The following CDH10 variants were observed in gnomAD, a reference collection of about 807,000 sequenced individuals.
CDH10 encodes the protein cadherin 10.
CDH10 carries 30 observed loss-of-function variants against 73.1 expected under a neutral mutation model. That is an observed-to-expected ratio of 0.41 (90% confidence interval 0.31 to 0.56). The LOEUF is 0.56. Among genes scored for constraint, CDH10 ranks in the 20% least tolerant of loss-of-function variants. The pLI is 0.27. For synonymous variants in CDH10, 345 were observed against 348.2 expected (o/e 0.99, Z 0.10); for missense variants, 815 against 973.7 (o/e 0.84, Z 2.17).
intron 1 of CDH10, among the ~76,000 whole-genome samples, chr5:24,631,778 G>A (rs1295466625): frequency 6.6e-6 from 1 of 151,952 alleles, no homozygotes; most frequent in Non-Finnish European, 1.5e-5. Context: ...CATTTCTCAA[G>A]TTACTAGCAC....
intron 2 of CDH10, among the ~76,000 whole-genome samples, chr5:24,566,672 T>G (rs1218418624): frequency 6.6e-6 from 1 of 151,922 alleles, no homozygotes; most frequent in East Asian, 1.9e-4. Flanking sequence ...AACAAAAAAA[T>G]CACCTATTTA....
At chr5:24,603,662 C>A (rs1365146397) in intron 1 of CDH10, among the ~76,000 whole-genome samples, 1 of 152,040 alleles carries the variant, frequency 6.6e-6, no homozygotes, top group Non-Finnish European at 1.5e-5. Context: ...CTGAAACTAA[C>A]TTCCTCAAGT....
intron 2 of CDH10, among the ~76,000 whole-genome samples, chr5:24,586,434 C>CTTTTT (rs35486231): frequency 0.041 from 4,071 of 99,972 alleles, 186 homozygotes; most frequent in East Asian, 0.059. Flanking sequence ...TTATTAACTC[C>CTTTTT]TTTTTTTTTT....
At chr5:24,631,443 A>C (rs373192942) in intron 1 of CDH10, among the ~76,000 whole-genome samples, 2 of 152,022 alleles carry the variant, frequency 1.3e-5, no homozygotes, top group African/African-American at 4.8e-5. Context: ...AATTAAGAAA[A>C]ATATATTTCA....
intron 2 of CDH10, among the ~76,000 whole-genome samples, chr5:24,539,533 C>T (rs1744077882): frequency 6.6e-6 from 1 of 152,016 alleles, no homozygotes; most frequent in Admixed American, 6.6e-5. Flanking sequence ...TAGCCATCAA[C>T]TCTGGATAAA....
At chr5:24,576,880 A>G (rs1745625835) in intron 2 of CDH10, among the ~76,000 whole-genome samples, 1 of 152,002 alleles carries the variant, frequency 6.6e-6, no homozygotes, top group Non-Finnish European at 1.5e-5. Context: ...GGTTAACATG[A>G]TCACTAATGA....
intron 1 of CDH10, among the ~76,000 whole-genome samples, chr5:24,623,636 G>A (rs930886240): frequency 1.3e-5 from 2 of 152,116 alleles, no homozygotes; most frequent in African/African-American, 2.4e-5. Flanking sequence ...TGGCATTTAA[G>A]CATCATGTGA....
chr5:24,598,241 AAT>A (rs1418478792), intron 1 of CDH10, among the ~76,000 whole-genome samples: 1 of 152,048 alleles, frequency 6.6e-6, no homozygotes, highest in Admixed American at 6.6e-5. Flanking sequence ...GGACTCAAAT[AAT>A]ATGAGTCCAT....
chr5:24,547,377 A>G (rs569580401), intron 2 of CDH10, among the ~76,000 whole-genome samples: 6 of 152,324 alleles, frequency 3.9e-5, no homozygotes, highest in South Asian at 4.1e-4. Flanking sequence ...AGAGAATTGT[A>G]CAGATGTGAG....
chr5:24,562,441 C>T (rs1167666370), intron 2 of CDH10, among the ~76,000 whole-genome samples: 2 of 151,678 alleles, frequency 1.3e-5, no homozygotes, highest in African/African-American at 4.8e-5. Context: ...TAGTTTTGAT[C>T]AAACTGGAAA....
intron 1 of CDH10, among the ~76,000 whole-genome samples, chr5:24,619,868 C>A (rs1043621337): frequency 1.3e-5 from 2 of 152,116 alleles, no homozygotes; most frequent in South Asian, 4.1e-4. Flanking sequence ...AGGGCCTCGC[C>A]GTATACTGAC....
intron 1 of CDH10, among the ~76,000 whole-genome samples, chr5:24,634,013 G>A (rs1747789938): frequency 6.6e-6 from 1 of 151,702 alleles, no homozygotes; most frequent in Non-Finnish European, 1.5e-5. Context: ...CTATAAATGG[G>A]TCAATACTTC....
intron 1 of CDH10, among the ~76,000 whole-genome samples, chr5:24,634,532 C>T (rs190163494): frequency 1.3e-5 from 2 of 151,518 alleles, no homozygotes; most frequent in East Asian, 1.9e-4. Flanking sequence ...AAAAACAATC[C>T]TATAAAATGG....
chr5:24,492,857 T>C lies in CDH10; in HGVS notation c.1584A>G (p.Leu528=), dbSNP rs756518081. 5 of 1,581,114 alleles carry C rather than the reference T, an allele frequency of 3.2e-6. No individual in the cohort carries two copies. In the Admixed American group the frequency reaches 6.7e-5, roughly 21 times the overall value. Residue 528 remains leucine (L), a synonymous_variant, in exon 10 of 12, where the codon TTA becomes TTG. Transcript: ENST00000264463. ...PLGGQKFFFS[L]AAVNPNFTVQ... ...CTGTGAAGTTTGGATTGACAGCAGC[T>C]AAACTGAAAAAAAATTTCTGTCCAC...
intron 2 of CDH10, among the ~76,000 whole-genome samples, chr5:24,542,185 A>T (rs1744177696): frequency 6.6e-6 from 1 of 152,168 alleles, no homozygotes; most frequent in Admixed American, 6.6e-5. Context: ...ATTTTAAAAA[A>T]TTATTTTTAA....
chr5:24,562,693 A>G (rs1416504204), intron 2 of CDH10, among the ~76,000 whole-genome samples: 1 of 152,180 alleles, frequency 6.6e-6, no homozygotes, highest in African/African-American at 2.4e-5. Context: ...TGTAAGTTAA[A>G]CAGAGAGAGA....
intron 2 of CDH10, among the ~76,000 whole-genome samples, chr5:24,569,096 C>T (rs751897891): frequency 1.4e-5 from 2 of 143,306 alleles, no homozygotes; most frequent in Non-Finnish European, 1.6e-5. Flanking sequence ...GGCAACAGAG[C>T]GAGACTCTGT....
chr5:24,536,724 C>T (rs1241731170), intron 3 of CDH10, among the ~76,000 whole-genome samples: 1 of 151,854 alleles, frequency 6.6e-6, no homozygotes, highest in Non-Finnish European at 1.5e-5. Context: ...TGTTATATTT[C>T]TACCTTTTTT....
intron 1 of CDH10, among the ~76,000 whole-genome samples, chr5:24,615,967 C>T (rs1336980262): frequency 3.3e-5 from 5 of 152,052 alleles, no homozygotes; most frequent in Admixed American, 3.3e-4. Flanking sequence ...CTTCTCATTG[C>T]CAAGGTGTTA....
Sources: gnomAD v4.1 joint callset for allele counts (sites outside exome capture counted in the v4.1 genomes callset) on GRCh38, gnomAD v4.1.1 for gene constraint, MANE v1.5 for transcripts, NCBI Gene and HGNC (gene_info 2026-07-23, HGNC 2026-07-21) for gene names.